Variants in INTS15 observed in about 807,000 individuals in gnomAD.
INTS15 encodes the protein integrator complex subunit 15.
At chr7:6,595,415 C>T in the INTS15 span, among the ~76,000 whole-genome samples, 6 of 152,162 alleles carry the variant, frequency 3.9e-5, no homozygotes, top group East Asian at 1.9e-4. Flanking sequence ...CCTCCCACCT[C>T]GGCCTCCTAA....
the INTS15 span, chr7:6,591,892 C>G: frequency 2.5e-6 from 4 of 1,602,780 alleles, no homozygotes; most frequent in Non-Finnish European, 3.4e-6. Flanking sequence ...AGACCCTCGG[C>G]CGGGTGCGGT....
chr7:6,595,100 C>T, the INTS15 span, among the ~76,000 whole-genome samples: 1 of 152,080 alleles, frequency 6.6e-6, no homozygotes, highest in African/African-American at 2.4e-5. Context: ...GGCGTGATCC[C>T]AGCTCACTGC....
chr7:6,599,620 G>C, the INTS15 span, among the ~76,000 whole-genome samples: 1 of 152,194 alleles, frequency 6.6e-6, no homozygotes, highest in African/African-American at 2.4e-5. Context: ...CCTGGGCACT[G>C]GGATGTGACA....
chr7:6,606,763 A>G, the INTS15 span, among the ~76,000 whole-genome samples: 12 of 151,320 alleles, frequency 7.9e-5, no homozygotes, highest in South Asian at 8.4e-4. Context: ...CAGTGGCACA[A>G]TCATGGCTCA....
chr7:6,591,755 C>G, the INTS15 span: 1 of 1,614,150 alleles, frequency 6.2e-7, no homozygotes, highest in Non-Finnish European at 8.5e-7. Context: ...CTTTTCAGCC[C>G]TCAAGGGAAC....
chr7:6,605,150 G>A, the INTS15 span, among the ~76,000 whole-genome samples: 1 of 151,990 alleles, frequency 6.6e-6, no homozygotes, highest in African/African-American at 2.4e-5. Context: ...CTGCCACCAC[G>A]CCTAATTTTT....
the INTS15 span, chr7:6,590,104 C>G: frequency 1.7e-5 from 7 of 412,534 alleles, no homozygotes; most frequent in South Asian, 8.7e-4. Context: ...GCCTGCTGGC[C>G]GGCGGCAGCA....
At chr7:6,590,603 C>A in the INTS15 span, 1 of 1,394,246 alleles carries the variant, frequency 7.2e-7, no homozygotes, top group Non-Finnish European at 9.3e-7. Context: ...CGCTCGGCCT[C>A]GCTCCTGCAG....
the INTS15 span, among the ~76,000 whole-genome samples, chr7:6,593,809 C>G: frequency 2.0e-5 from 3 of 151,716 alleles, no homozygotes; most frequent in South Asian, 2.1e-4. Context: ...GCCACCATAT[C>G]TGGCTAATTT....
At chr7:6,608,470 A>T in the INTS15 span, 2 of 1,251,180 alleles carry the variant, frequency 1.6e-6, no homozygotes, top group Non-Finnish European at 1.0e-6. Flanking sequence ...GAGGAGTGTG[A>T]CGGCAGGAGC....
the INTS15 span, chr7:6,600,081 G>A: frequency 6.2e-7 from 1 of 1,614,204 alleles, no homozygotes. Flanking sequence ...CCGGGCGTGG[G>A]GATGGACAGA....
chr7:6,594,694 G>C, the INTS15 span: 1 of 1,192,982 alleles, frequency 8.4e-7, no homozygotes, highest in Non-Finnish European at 1.2e-6. Context: ...TCCAGTGAAT[G>C]CTTTGGCTGT....
At chr7:6,608,084 GC>G in the INTS15 span, 1 of 887,832 alleles carries the variant, frequency 1.1e-6, no homozygotes. Flanking sequence ...CCACCCCGCC[GC>G]CCACCCCGCC....
At chr7:6,606,269 C>T in the INTS15 span, among the ~76,000 whole-genome samples, 2 of 152,304 alleles carry the variant, frequency 1.3e-5, 1 homozygote, top group African/African-American at 4.8e-5. Flanking sequence ...CTCCACATAC[C>T]CTCTGTTTAC....
the INTS15 span, chr7:6,591,545 T>G: frequency 1.7e-5 from 18 of 1,039,008 alleles, no homozygotes; most frequent in Non-Finnish European, 2.3e-5. Context: ...ATTACAGGCA[T>G]GAGCCACCGC....
chr7:6,599,922 C>A, the INTS15 span: 1 of 1,614,188 alleles, frequency 6.2e-7, no homozygotes, highest in African/African-American at 1.3e-5. Flanking sequence ...TTAAATACTC[C>A]GATTGCGGCC....
chr7:6,594,001 CTTTTTTTTTTT>C, the INTS15 span, among the ~76,000 whole-genome samples: 1 of 68,938 alleles, frequency 1.5e-5, no homozygotes, highest in South Asian at 5.6e-4. Context: ...AAGCCTTTAA[CTTTTTTTTTTT>C]TTTTTTTTTT....
the INTS15 span, among the ~76,000 whole-genome samples, chr7:6,593,515 T>C: frequency 6.6e-6 from 1 of 151,796 alleles, no homozygotes; most frequent in Non-Finnish European, 1.5e-5. Flanking sequence ...TTTGTATTTT[T>C]AGTAGAGACG....
the INTS15 span, among the ~76,000 whole-genome samples, chr7:6,598,171 C>T: frequency 3.0e-4 from 46 of 152,208 alleles, 1 homozygote; most frequent in South Asian, 8.5e-3. Flanking sequence ...TCTGTGGAAT[C>T]AAGAGGCTGC....
Sources: gnomAD v4.1 joint callset for allele counts (sites outside exome capture counted in the v4.1 genomes callset) on GRCh38, gnomAD v4.1.1 for gene constraint, MANE v1.5 for transcripts, NCBI Gene and HGNC (gene_info 2026-07-23, HGNC 2026-07-21) for gene names.